The following YAF2 variants were observed in gnomAD, a reference collection of about 807,000 sequenced individuals.
The protein encoded by YAF2 is YY1-associated factor 2.
Under a neutral mutation model 20.1 loss-of-function variants are expected in YAF2, and 7 were observed. That is an observed-to-expected ratio of 0.35 (90% CI 0.20 to 0.65). YAF2 has a LOEUF of 0.65. YAF2 is among the 30% of genes least tolerant of loss of function. YAF2 has a pLI of 0.69. For missense variants in YAF2, 151 were observed against 219.2 expected, an observed-to-expected ratio of 0.69 and a Z score of 1.96; for synonymous variants, 74 against 76.0, an observed-to-expected ratio of 0.97 and a Z score of 0.14.
intron 2 of YAF2, among the ~76,000 whole-genome samples, chr12:42,197,679 A>G (rs1406774076): frequency 5.3e-5 from 8 of 152,216 alleles, no homozygotes; most frequent in Non-Finnish European, 1.0e-4. Flanking sequence ...ATTAAACAAT[A>G]ATCAACATAA....
intron 2 of YAF2, among the ~76,000 whole-genome samples, chr12:42,173,456 T>C (rs2066103266): frequency 1.3e-5 from 2 of 152,184 alleles, no homozygotes; most frequent in Admixed American, 1.3e-4. Flanking sequence ...GCCTCTCAAA[T>C]CATTAAATGA....
At chr12:42,232,854 T>C in intron 2 of YAF2, 1 of 985,230 alleles carries the variant, frequency 1.0e-6, no homozygotes, top group Non-Finnish European at 1.2e-6. Context: ...ACCATAATAA[T>C]AATACTGTGT....
chr12:42,164,050 C>T (rs76950466), intron 2 of YAF2, among the ~76,000 whole-genome samples: 1,537 of 152,274 alleles, frequency 0.01, 32 homozygotes, highest in African/African-American at 0.035. Context: ...TTTGACAGTA[C>T]ACTTTTAGTA....
chr12:42,237,682 C>T lies in YAF2; in HGVS notation c.69G>A (p.Trp23Ter). 6.3e-7 allele frequency: 1 copy of T among 1,582,064 alleles called. No homozygotes were observed. The highest frequency in any genetic ancestry group is 8.6e-7 in the Non-Finnish European group (1 of 1,166,266). The change falls in exon 2 of 4, where the codon TGG (tryptophan) becomes TGA (stop). Residue 23 changes from tryptophan to a stop codon, truncating the protein, a stop_gained. Coordinates refer to ENST00000534854, the MANE Select transcript of YAF2 (RefSeq NM_005748.6). LOFTEE classifies it high-confidence loss of function. Reference protein sequence around the residue: ...QPKPSSDEGYWDCSVCTFRNS... With the variant: ...QPKPSSDEGY The stretch of plus-strand genomic sequence containing the variant: ...TCCGGAAGGTGCAGACGCTACAGTC[C>T]CAGTAACCCTCATCCGAGGACGGCT...
intron 2 of YAF2, among the ~76,000 whole-genome samples, chr12:42,180,467 C>T (rs1361344340): frequency 3.9e-5 from 6 of 152,190 alleles, no homozygotes; most frequent in Non-Finnish European, 8.8e-5. Context: ...GAGAGAGCTG[C>T]AGCCCCAGCC....
chr12:42,234,846 C>T (rs1490405949), intron 2 of YAF2: 1 of 706,292 alleles, frequency 1.4e-6, no homozygotes, highest in Non-Finnish European at 1.7e-6. Context: ...AAATTAGCCA[C>T]ACATGGTGGT....
At chr12:42,181,285 C>T (rs1565610791) in intron 2 of YAF2, among the ~76,000 whole-genome samples, 1 of 152,216 alleles carries the variant, frequency 6.6e-6, no homozygotes, top group Non-Finnish European at 1.5e-5. Context: ...TCCTGTTACA[C>T]AGTTTACTCT....
intron 2 of YAF2, chr12:42,235,418 C>T: frequency 2.8e-6 from 3 of 1,059,678 alleles, no homozygotes; most frequent in Non-Finnish European, 3.4e-6. Flanking sequence ...TCAATATCTT[C>T]TCTAGTAACA....
chr12:42,223,878 G>A (rs1220027196), intron 2 of YAF2, among the ~76,000 whole-genome samples: 1 of 151,394 alleles, frequency 6.6e-6, no homozygotes, highest in Non-Finnish European at 1.5e-5. Context: ...CCTGTCGGGG[G>A]GTGGGGGGCA....
intron 2 of YAF2, among the ~76,000 whole-genome samples, chr12:42,174,192 T>G (rs935644942): frequency 2.0e-5 from 3 of 152,096 alleles, no homozygotes; most frequent in African/African-American, 7.2e-5. Flanking sequence ...AAAAAAATTT[T>G]CTATACTCAC....
chr12:42,198,088 TAG>T, intron 2 of YAF2, among the ~76,000 whole-genome samples: 1 of 151,962 alleles, frequency 6.6e-6, no homozygotes, highest in East Asian at 1.9e-4. Flanking sequence ...CCAATCCCCA[TAG>T]AGTGAAATGT....
Position 42,182,802 on chromosome 12 carries a change from T to A in YAF2, c.153-21037A>T, listed in dbSNP as rs768886457. 2.0e-4 allele frequency among the ~76,000 whole-genome samples: 31 copies of A among 152,346 alleles called. No homozygotes were observed. In the Middle Eastern group the frequency reaches 0.01, roughly 50 times the overall value. On this transcript the variant is annotated intron_variant, in intron 2 of 3. Coordinates refer to ENST00000534854, the MANE Select transcript of YAF2 (RefSeq NM_005748.6). ...TTCAAGAAACAGAAAGCATCCTAAA[T>A]GATCATATATAATTTCTAGACCACT...
intron 2 of YAF2, among the ~76,000 whole-genome samples, chr12:42,195,385 A>G (rs2066723609): frequency 6.6e-6 from 1 of 152,232 alleles, no homozygotes; most frequent in Non-Finnish European, 1.5e-5. Context: ...AACATACAGG[A>G]AACAAATGCC....
intron 3 of YAF2, 112 bp from the exon 4 acceptor site, chr12:42,160,938 G>A: frequency 1.2e-6 from 1 of 803,720 alleles, no homozygotes; most frequent in South Asian, 1.8e-5. Flanking sequence ...TGTATTTAAG[G>A]CAATTTATGT....
In YAF2 at chr12:42,236,414, A is replaced by T. The variant is rs1215899945; in HGVS notation, c.152+1185T>A. ...CTTTTTGAATATGAAAAATGTACGA[A>T]ATATTTTATCAATTGTGGGAATATA... On this transcript the variant is annotated intron_variant, in intron 2 of 3. Coordinates refer to ENST00000534854, the MANE Select transcript of YAF2 (RefSeq NM_005748.6). Among the ~76,000 whole-genome samples the T allele has an allele frequency of 2.0e-5, 3 of 152,234 alleles. No homozygotes were observed. In the East Asian group the frequency reaches 5.8e-4, roughly 29 times the overall value.
At chr12:42,172,730 A>C (rs1592165369) in intron 2 of YAF2, among the ~76,000 whole-genome samples, 1 of 152,350 alleles carries the variant, frequency 6.6e-6, no homozygotes, top group East Asian at 1.9e-4. Flanking sequence ...CCAAAGCGGA[A>C]GCAACCCAAA....
chr12:42,167,191 C>T (rs901055899), intron 2 of YAF2, among the ~76,000 whole-genome samples: 4 of 151,960 alleles, frequency 2.6e-5, no homozygotes, highest in African/African-American at 7.2e-5. Flanking sequence ...CTAATGCATG[C>T]GGGGTTTAAA....
At chr12:42,203,731 G>GT (rs963655478) in intron 2 of YAF2, among the ~76,000 whole-genome samples, 2 of 152,006 alleles carry the variant, frequency 1.3e-5, no homozygotes, top group African/African-American at 4.8e-5. Flanking sequence ...TTTTATGTCT[G>GT]TGTTCATAAG....
chr12:42,186,738 G>A (rs565904174), intron 2 of YAF2, among the ~76,000 whole-genome samples: 53 of 152,256 alleles, frequency 3.5e-4, no homozygotes, highest in African/African-American at 1.2e-3. Context: ...GGAGTAACCA[G>A]GAAGCAGATT....
Sources: gnomAD v4.1 joint callset for allele counts (sites outside exome capture counted in the v4.1 genomes callset) on GRCh38, gnomAD v4.1.1 for gene constraint, MANE v1.5 for transcripts, NCBI Gene and HGNC (gene_info 2026-07-23, HGNC 2026-07-21) for gene names.